INPP4B: variants seen among roughly 807,000 people sequenced by gnomAD.
INPP4B encodes inositol polyphosphate-4-phosphatase type II B, also known as inositol polyphosphate 4-phosphatase type II.
INPP4B carries 55 observed loss-of-function variants against 122.5 expected under a neutral mutation model. The ratio of observed to expected loss-of-function variants is 0.45; its 90% confidence interval spans 0.36 to 0.56. The LOEUF is 0.56. Among genes scored for constraint, INPP4B ranks in the 20% least tolerant of loss-of-function variants. The probability of loss-of-function intolerance (pLI) is 0.00; values close to 1 mark genes in which losing one functional copy is unlikely to be tolerated. For missense variants in INPP4B, 1,000 were observed against 1,097.7 expected (o/e 0.91, Z 1.26); for synonymous variants, 403 against 388.7 (o/e 1.04, Z -0.43).
At chr4:142,390,573 G>A (rs1312542403) in intron 7 of INPP4B, among the ~76,000 whole-genome samples, 3 of 152,096 alleles carry the variant, frequency 2.0e-5, no homozygotes, top group South Asian at 2.1e-4. Context: ...ACATTCAAAA[G>A]AGAGGTAAAT....
chr4:142,379,132 C>T (rs889627679), intron 7 of INPP4B, among the ~76,000 whole-genome samples: 2 of 152,118 alleles, frequency 1.3e-5, no homozygotes, highest in African/African-American at 4.8e-5. Flanking sequence ...AAAATCAGTA[C>T]ATTACATAAA....
chr4:142,647,004 A>G (rs994862648), intron 2 of INPP4B, among the ~76,000 whole-genome samples: 16 of 152,222 alleles, frequency 1.1e-4, no homozygotes, highest in Admixed American at 9.8e-4. Flanking sequence ...TTCACTGAGG[A>G]CTGTAATTAT....
At chr4:142,174,255 C>G (rs1308727490) in intron 15 of INPP4B, among the ~76,000 whole-genome samples, 2 of 152,102 alleles carry the variant, frequency 1.3e-5, no homozygotes, top group African/African-American at 2.4e-5. Context: ...CTTTGGGCAG[C>G]CTTCTTCCTC....
chr4:142,277,697 A>ACACG (rs1749253134), intron 9 of INPP4B, among the ~76,000 whole-genome samples: 1 of 151,322 alleles, frequency 6.6e-6, no homozygotes, highest in Non-Finnish European at 1.5e-5. Flanking sequence ...ACACACACAC[A>ACACG]CACACACACA....
At chr4:142,494,729 AT>A (rs1452105241) in intron 2 of INPP4B, among the ~76,000 whole-genome samples, 5 of 151,938 alleles carry the variant, frequency 3.3e-5, no homozygotes, top group Non-Finnish European at 5.9e-5. Context: ...TGCTCTCAAT[AT>A]TTTTTCTTCA....
At chr4:142,139,913 A>G (rs952659732) in intron 18 of INPP4B, among the ~76,000 whole-genome samples, 1 of 152,186 alleles carries the variant, frequency 6.6e-6, no homozygotes, top group Non-Finnish European at 1.5e-5. Context: ...CTTGGCTTCC[A>G]GTGATCCACC....
chr4:142,239,930 A>G (rs1303003367), intron 11 of INPP4B, among the ~76,000 whole-genome samples: 1 of 152,144 alleles, frequency 6.6e-6, no homozygotes, highest in African/African-American at 2.4e-5. Context: ...AGCAAGGTTA[A>G]AAATCCTTGG....
In INPP4B at chr4:142,048,711, T is replaced by C. The variant is rs184358250; in HGVS notation, c.2643-19797A>G. 2.6e-5 allele frequency among the ~76,000 whole-genome samples: 4 copies of C among 152,050 alleles called. No homozygotes were observed. In the East Asian group the frequency reaches 7.8e-4, roughly 29 times the overall value. On this transcript the variant is annotated intron_variant, in intron 25 of 25. Coordinates refer to ENST00000262992, the MANE Select transcript of INPP4B (RefSeq NM_001101669.3). The stretch of plus-strand genomic sequence containing the variant: ...GGCAACCAGCAGAGGCAAAAGCAGC[T>C]TGAGAGCTGGTTAAAGAAAAGCTAT...
At chr4:142,359,255 C>T (rs905623397) in intron 7 of INPP4B, among the ~76,000 whole-genome samples, 2 of 151,680 alleles carry the variant, frequency 1.3e-5, no homozygotes, top group South Asian at 2.1e-4. Context: ...TGGAGCCAAA[C>T]GGCCTTGGAA....
At chr4:142,169,681 G>A (rs554634337) in intron 16 of INPP4B, among the ~76,000 whole-genome samples, 3 of 151,782 alleles carry the variant, frequency 2.0e-5, no homozygotes, top group African/African-American at 4.8e-5. Flanking sequence ...CAAATACGCT[G>A]TGAGTATAGC....
intron 2 of INPP4B, among the ~76,000 whole-genome samples, chr4:142,649,966 GA>G (rs769384348): frequency 1.5e-3 from 235 of 152,354 alleles, no homozygotes; most frequent in Non-Finnish European, 1.8e-3. Context: ...CAGCCAGAGA[GA>G]AAGGTTGGGT....
At chr4:142,149,670 G>A (rs1482104158) in intron 17 of INPP4B, among the ~76,000 whole-genome samples, 1 of 152,176 alleles carries the variant, frequency 6.6e-6, no homozygotes, top group African/African-American at 2.4e-5. Context: ...GTCCAATGGT[G>A]GATCCTAGGA....
At chr4:142,580,148 G>A (rs1367002892) in intron 2 of INPP4B, among the ~76,000 whole-genome samples, 3 of 151,398 alleles carry the variant, frequency 2.0e-5, no homozygotes, top group Non-Finnish European at 4.4e-5. Flanking sequence ...ACCCAGGAGA[G>A]CATTGTGGTT....
chr4:142,838,181 TACAC>T (rs200409453), intron 1 of INPP4B, among the ~76,000 whole-genome samples: 3 of 151,410 alleles, frequency 2.0e-5, no homozygotes, highest in African/African-American at 7.3e-5. Flanking sequence ...TTCACACACA[TACAC>T]ACACACACAT....
chr4:142,423,682 T>A, intron 5 of INPP4B: 1 of 340,054 alleles, frequency 2.9e-6, no homozygotes, highest in South Asian at 2.4e-5. Flanking sequence ...TCTAGGACGG[T>A]ACACATCATT....
chr4:142,198,682 AATTC>A (rs1241929945), intron 14 of INPP4B, among the ~76,000 whole-genome samples: 3 of 152,086 alleles, frequency 2.0e-5, no homozygotes, highest in Non-Finnish European at 4.4e-5. Flanking sequence ...TCTTATTTAT[AATTC>A]CTTGAATTAC....
chr4:142,150,909 A>G (rs1813554062), intron 17 of INPP4B, among the ~76,000 whole-genome samples: 1 of 152,198 alleles, frequency 6.6e-6, no homozygotes, highest in Non-Finnish European at 1.5e-5. Context: ...CCAATTTTTG[A>G]TCAGAAAGAA....
chr4:142,607,837 A>T (rs188832759), intron 2 of INPP4B, among the ~76,000 whole-genome samples: 7 of 152,254 alleles, frequency 4.6e-5, no homozygotes, highest in Admixed American at 4.6e-4. Context: ...GGGATGAAGA[A>T]AAGACAAGAC....
intron 2 of INPP4B, among the ~76,000 whole-genome samples, chr4:142,572,902 C>G (rs1733118051): frequency 6.6e-6 from 1 of 150,788 alleles, no homozygotes; most frequent in African/African-American, 2.4e-5. Flanking sequence ...TATAAATATA[C>G]AGATGTATAA....
Sources: allele counts gnomAD v4.1 joint callset (sites outside exome capture counted in the v4.1 genomes callset), GRCh38; gene constraint gnomAD v4.1.1; transcripts MANE v1.5; gene names NCBI Gene and HGNC (gene_info 2026-07-23, HGNC 2026-07-21).